LYPLAL1: variants seen among roughly 807,000 people sequenced by gnomAD.
LYPLAL1 encodes the protein lysophospholipase like 1.
A neutral mutation model predicts 19.7 loss-of-function variants in LYPLAL1; 23 were observed. The ratio of observed to expected loss-of-function variants is 1.17; its 90% confidence interval spans 0.84 to 1.65. The LOEUF (loss-of-function observed/expected upper bound fraction) is 1.65, where lower values mean the gene tolerates loss of function less well. LYPLAL1 is among the 40% of genes most tolerant of loss of function. The pLI is 0.00. For missense variants in LYPLAL1, 355 were observed against 279.4 expected (o/e 1.27, Z -1.93); for synonymous variants, 119 against 96.3 (o/e 1.24, Z -1.38).
chr1:219,173,912 G>T lies in LYPLAL1; in HGVS notation c.22G>T (p.Val8Phe), dbSNP rs747113140. 65 of 1,613,466 alleles carry T rather than the reference G, an allele frequency of 4.0e-5. No homozygotes were observed. In the South Asian group the frequency reaches 5.3e-4, roughly 13 times the overall value. Reference protein sequence around the residue: MAAASGSVLQRCIVSPAG... With the variant: MAAASGSFLQRCIVSPAG... ...AGCGATGGCGGCTGCGTCGGGGTCG[G>T]TTCTGCAGCGCTGTATCGTGTCGCC... The change falls in exon 1 of 5, where the codon GTT becomes TTT. Residue 8 changes from valine (V) to phenylalanine (F), a missense_variant. Physicochemically the swap from Val to Phe is conservative, Grantham distance 50 (BLOSUM62 -1). Coordinates refer to ENST00000366928, the MANE Select transcript of LYPLAL1 (RefSeq NM_138794.5).
intron 3 of LYPLAL1, 175 bp downstream of exon 3, chr1:219,193,426 G>T (rs146506095): frequency 5.3e-6 from 2 of 378,880 alleles, no homozygotes; most frequent in South Asian, 1.1e-4. Flanking sequence ...AAACAGCAGC[G>T]CATGAAACTT....
chr1:219,192,627 G>C (rs1295305533), intron 2 of LYPLAL1, among the ~76,000 whole-genome samples: 1 of 151,420 alleles, frequency 6.6e-6, no homozygotes, highest in African/African-American at 2.4e-5. Flanking sequence ...AAATCTCTAA[G>C]GTTTTTTTTT....
the LYPLAL1 span, among the ~76,000 whole-genome samples, chr1:219,426,224 C>A: frequency 6.6e-6 from 1 of 152,116 alleles, no homozygotes; most frequent in Non-Finnish European, 1.5e-5. Flanking sequence ...AAGCTTCTGA[C>A]AAAACTACCT....
At chr1:219,432,407 G>A in the LYPLAL1 span, among the ~76,000 whole-genome samples, 8 of 152,216 alleles carry the variant, frequency 5.3e-5, no homozygotes, top group East Asian at 1.2e-3. Context: ...GAAAGAGATG[G>A]GAAAACATCT....
downstream of LYPLAL1, among the ~76,000 whole-genome samples, chr1:219,217,407 T>TGTGTGTGTGA (rs1225833975): frequency 4.3e-5 from 5 of 116,222 alleles, no homozygotes; most frequent in Admixed American, 9.5e-5. Flanking sequence ...TGTGTGTGTG[T>TGTGTGTGTGA]GAGAGATGGT....
the LYPLAL1 span, among the ~76,000 whole-genome samples, chr1:219,392,534 T>C: frequency 1.3e-5 from 2 of 152,184 alleles, no homozygotes; most frequent in Non-Finnish European, 2.9e-5. Context: ...AGGTGTCGTA[T>C]GCGTACTTGG....
chr1:219,416,566 A>G, the LYPLAL1 span, among the ~76,000 whole-genome samples: 3 of 152,062 alleles, frequency 2.0e-5, no homozygotes, highest in Non-Finnish European at 4.4e-5. Context: ...GCTTTTTGCA[A>G]CTCTATTTAT....
the LYPLAL1 span, among the ~76,000 whole-genome samples, chr1:219,422,362 G>A: frequency 6.6e-6 from 1 of 152,140 alleles, no homozygotes; most frequent in Non-Finnish European, 1.5e-5. Context: ...TACAGAACCA[G>A]GAACTTTGTA....
the LYPLAL1 span, among the ~76,000 whole-genome samples, chr1:219,398,934 G>C: frequency 6.6e-6 from 1 of 152,208 alleles, no homozygotes; most frequent in Non-Finnish European, 1.5e-5. Flanking sequence ...TGAGTGGCCT[G>C]AGGTGCTCCC....
chr1:219,291,876 G>A, the LYPLAL1 span, among the ~76,000 whole-genome samples: 9 of 147,728 alleles, frequency 6.1e-5, no homozygotes, highest in South Asian at 2.1e-4. Flanking sequence ...AGGATAAAGC[G>A]GAATAAAGCA....
At chr1:219,427,047 A>G in the LYPLAL1 span, among the ~76,000 whole-genome samples, 1 of 152,234 alleles carries the variant, frequency 6.6e-6, no homozygotes, top group Non-Finnish European at 1.5e-5. Flanking sequence ...AATATGCTTC[A>G]TATTTAAAAA....
At chr1:219,320,682 C>T in the LYPLAL1 span, among the ~76,000 whole-genome samples, 6 of 152,028 alleles carry the variant, frequency 3.9e-5, no homozygotes, top group Non-Finnish European at 8.8e-5. Flanking sequence ...TGAGTGAGAA[C>T]ATGCGGTGTT....
the LYPLAL1 span, among the ~76,000 whole-genome samples, chr1:219,400,437 C>T: frequency 1.3e-5 from 2 of 152,066 alleles, 1 homozygote; most frequent in African/African-American, 4.8e-5. Flanking sequence ...CCTGATTTCA[C>T]CCAGGCAGTA....
the LYPLAL1 span, among the ~76,000 whole-genome samples, chr1:219,233,254 A>G: frequency 6.6e-6 from 1 of 152,218 alleles, no homozygotes; most frequent in Admixed American, 6.5e-5. Context: ...GTGAAACAAG[A>G]CAGTCACAAA....
At chr1:219,410,812 G>C in the LYPLAL1 span, among the ~76,000 whole-genome samples, 1 of 152,246 alleles carries the variant, frequency 6.6e-6, no homozygotes, top group East Asian at 1.9e-4. Flanking sequence ...GCTGTGGAGG[G>C]TGTACTGAGT....
At chr1:219,436,134 G>A in the LYPLAL1 span, among the ~76,000 whole-genome samples, 3 of 152,144 alleles carry the variant, frequency 2.0e-5, no homozygotes, top group Non-Finnish European at 2.9e-5. Context: ...GTGCTTTGGG[G>A]TGCTCATACC....
chr1:219,189,837 T>C (rs928788202), intron 2 of LYPLAL1, among the ~76,000 whole-genome samples: 1 of 151,598 alleles, frequency 6.6e-6, no homozygotes, highest in Non-Finnish European at 1.5e-5. Flanking sequence ...TATTTGAAAA[T>C]AGTTTCAAGT....
chr1:219,441,329 C>T, the LYPLAL1 span, among the ~76,000 whole-genome samples: 5 of 152,002 alleles, frequency 3.3e-5, no homozygotes, highest in Non-Finnish European at 7.4e-5. Flanking sequence ...ATTCGTAAAA[C>T]AATATTTCTA....
the LYPLAL1 span, among the ~76,000 whole-genome samples, chr1:219,354,969 C>T: frequency 2.0e-5 from 3 of 152,164 alleles, no homozygotes; most frequent in Middle Eastern, 0.01. Context: ...ATGACAAGAA[C>T]ACAAAGGACA....
Sources: gnomAD v4.1 joint callset for allele counts (sites outside exome capture counted in the v4.1 genomes callset) on GRCh38, gnomAD v4.1.1 for gene constraint, MANE v1.5 for transcripts, NCBI Gene and HGNC (gene_info 2026-07-23, HGNC 2026-07-21) for gene names.